CDHR3: variants seen among roughly 807,000 people sequenced by gnomAD.
CDHR3 encodes the protein cadherin related family member 3.
A neutral mutation model predicts 86.6 loss-of-function variants in CDHR3; 79 were observed. The observed-to-expected ratio is 0.91, with a 90% CI of 0.76 to 1.10. The LOEUF is 1.10. Among genes scored for constraint, CDHR3 ranks in the 50% least tolerant of loss-of-function variants. The pLI, the probability that CDHR3 is intolerant of heterozygous loss-of-function variation, is 0.00. For synonymous variants in CDHR3, 421 were observed against 402.4 expected, an observed-to-expected ratio of 1.05 and a Z score of -0.55; for missense variants, 1,081 against 1,077.6, an observed-to-expected ratio of 1.00 and a Z score of -0.04.
intron 3 of CDHR3, among the ~76,000 whole-genome samples, chr7:105,982,002 C>T (rs1470548031): frequency 2.6e-5 from 4 of 152,020 alleles, no homozygotes; most frequent in African/African-American, 9.7e-5. Context: ...AGCCACTCAT[C>T]CCATCTCACC....
Position 106,018,075 on chromosome 7 carries a change from G to A in CDHR3, c.1653+3G>A, listed in dbSNP as rs117797654. On this transcript the variant is annotated splice_donor_region_variant and intron_variant, in intron 12 of 18. Transcript: ENST00000317716. ...ACGAAGACACAAGCTCTGTCACTGT[G>A]AGTGGTGCTGCTTGGTATAGTGCCG... 0.025 allele frequency: 40,350 copies of A among 1,612,184 alleles called. 680 individuals are homozygous for A. The highest frequency in any genetic ancestry group is 0.031 in the Non-Finnish European group (36,583 of 1,178,738).
At position 106,001,493 on chromosome 7, in the gene CDHR3, C is replaced by A; in HGVS notation, c.745C>A (p.Leu249Met). 6.2e-7 allele frequency: 1 copy of A among 1,614,056 alleles called. No individual in the cohort carries two copies. The highest frequency in any genetic ancestry group is 8.5e-7 in the Non-Finnish European group (1 of 1,179,902). ...PTRVYTVLEE[L>M]SPGTIVANIT... Reference sequence around the variant, plus strand: ...ACGAGTGTACACAGTCCTGGAGGAACTGAGTCCAGGAACCATCGTGGCCAA... The same window carrying A: ...ACGAGTGTACACAGTCCTGGAGGAAATGAGTCCAGGAACCATCGTGGCCAA... Residue 249 changes from leucine (L) to methionine (M), a missense_variant, in exon 7 of 19, where the codon CTG (leucine) becomes ATG (methionine). Physicochemically the swap from Leu to Met is conservative, Grantham distance 15. Transcript: ENST00000317716.
At chr7:105,997,714 A>G (rs990296441) in intron 6 of CDHR3, among the ~76,000 whole-genome samples, 3 of 152,200 alleles carry the variant, frequency 2.0e-5, no homozygotes, top group Admixed American at 2.0e-4. Flanking sequence ...TTCAAAGGGG[A>G]AAATAATAAG....
chr7:105,996,600 G>T (rs1832275481), intron 6 of CDHR3, among the ~76,000 whole-genome samples: 1 of 152,174 alleles, frequency 6.6e-6, no homozygotes, highest in South Asian at 2.1e-4. Flanking sequence ...ATATGGTGGG[G>T]AGAAGGGGTG....
At chr7:106,031,745 G>C (rs2528881) in intron 18 of CDHR3, among the ~76,000 whole-genome samples, 61 of 151,868 alleles carry the variant, frequency 4.0e-4, no homozygotes, top group Non-Finnish European at 7.5e-4. Context: ...AGAGCAAAAG[G>C]CTCTTCCAGA....
At chr7:105,995,154 A>T (rs1831995639) in intron 5 of CDHR3, among the ~76,000 whole-genome samples, 1 of 152,148 alleles carries the variant, frequency 6.6e-6, no homozygotes, top group Non-Finnish European at 1.5e-5. Flanking sequence ...TCTTTCCATA[A>T]GGTCAGGTTT....
intron 8 of CDHR3, among the ~76,000 whole-genome samples, chr7:106,006,420 C>A (rs1224343478): frequency 6.6e-6 from 1 of 152,180 alleles, no homozygotes; most frequent in Non-Finnish European, 1.5e-5. Context: ...CGAGACAAGG[C>A]AAATCCCTTC....
rs1305220542 is a variant in CDHR3, at chr7:106,035,825, T to A, written c.*3128T>A. 2 of 152,188 alleles carry A rather than the reference T, an allele frequency of 1.3e-5. No homozygotes were observed. Among genetic ancestry groups the A allele is most frequent in the African/African-American group, 4.8e-5 (2 of 41,454 alleles). 9.4% of individuals were successfully genotyped at this position (152,188 alleles called of 1,614,324 possible). A position where few individuals can be genotyped will look rare whatever the true frequency, so the allele number is the denominator to read the frequency against. The stretch of plus-strand genomic sequence containing the variant: ...CAGAGGCTAAGGTGAAGTTACAACG[T>A]TGCAACGAAGACTCGGCTGGCAATC... On this transcript the variant is annotated 3_prime_UTR_variant, in exon 19 of 19. Coordinates refer to ENST00000317716, the MANE Select transcript of CDHR3 (RefSeq NM_152750.5).
In CDHR3 at chr7:105,978,046, T is replaced by C. The variant is rs114869897; in HGVS notation, c.250-2922T>C. Among the ~76,000 whole-genome samples, 517 of 152,242 alleles carry C rather than the reference T, an allele frequency of 3.4e-3. 3 individuals carry two copies. The highest frequency in any genetic ancestry group is 0.012 in the African/African-American group (494 of 41,550). ...TGTACTGTTGCTTGCACACTGAAGG[T>C]GGGAAAACTGAGGCATAGAGAGGTT... On this transcript the variant is annotated intron_variant, in intron 2 of 18. Transcript: ENST00000317716.
rs1585827107 is a variant in CDHR3, at chr7:106,022,542, C to T, written c.2076+94C>T. 10 of 1,518,416 alleles carry T rather than the reference C, an allele frequency of 6.6e-6. 1 individual carries two copies. In the South Asian group the frequency reaches 9.1e-5, roughly 14 times the overall value. 94.1% of individuals were successfully genotyped at this position (1,518,416 alleles called of 1,614,324 possible). Reference sequence around the variant, plus strand: ...CCGGCCTGGAGGTATGTGGGGTGGACTGAAGAGTTGAGGTATTAGGATGTT... The same window carrying T: ...CCGGCCTGGAGGTATGTGGGGTGGATTGAAGAGTTGAGGTATTAGGATGTT... On this transcript the variant is annotated intron_variant, in intron 14 of 18. Coordinates refer to ENST00000317716, the MANE Select transcript of CDHR3 (RefSeq NM_152750.5).
At chr7:106,007,363 G>T (rs910473926) in intron 8 of CDHR3, among the ~76,000 whole-genome samples, 1 of 152,180 alleles carries the variant, frequency 6.6e-6, no homozygotes, top group Non-Finnish European at 1.5e-5. Context: ...CTCAGAAAAT[G>T]GGATTTTCCT....
At position 106,012,932 on chromosome 7, in the gene CDHR3, C is replaced by A; in HGVS notation, c.1125C>A (p.Asp375Glu). The change falls in exon 9 of 19, where the codon GAC (aspartate) becomes GAA (glutamate). Residue 375 changes from aspartate to glutamate, a missense_variant. By Grantham distance (45) the Asp-to-Glu change is conservative. Transcript: ENST00000317716. ...TAAACAAGTTCTGCTTTGATGATGA[C>A]AGTGAGGCACCAAACAACAGATTCA... ...LDLNKFCFDD[D>E]SEAPNNRFNF... 1 of 1,613,768 alleles carries A rather than the reference C, an allele frequency of 6.2e-7. No individual in the cohort carries two copies. The highest frequency in any genetic ancestry group is 8.5e-7 in the Non-Finnish European group (1 of 1,179,820).
Position 106,020,603 on chromosome 7 carries a change from G to A in CDHR3, c.1825+59G>A, listed in dbSNP as rs1219441130. The A allele has an allele frequency of 2.6e-6, 4 of 1,560,248 alleles. No homozygotes were observed. The Admixed American group carries it at 7.3e-5, about 28-fold the overall frequency. Reference sequence around the variant, plus strand: ...TCTCTGAGGACCCTGAAGTTGTCTAGGGTAGGGGTCTGTGCTCACACACTG... The same window carrying A: ...TCTCTGAGGACCCTGAAGTTGTCTAAGGTAGGGGTCTGTGCTCACACACTG... On this transcript the variant is annotated intron_variant, in intron 13 of 18. Coordinates refer to ENST00000317716, the MANE Select transcript of CDHR3 (RefSeq NM_152750.5).
intron 8 of CDHR3, among the ~76,000 whole-genome samples, chr7:106,011,887 T>C (rs1834862068): frequency 6.6e-6 from 1 of 152,176 alleles, no homozygotes; most frequent in Non-Finnish European, 1.5e-5. Context: ...CCGAATTTGA[T>C]CATTAATAAA....
intron 8 of CDHR3, among the ~76,000 whole-genome samples, chr7:106,007,053 C>T (rs1260923414): frequency 6.6e-6 from 1 of 152,252 alleles, no homozygotes; most frequent in East Asian, 1.9e-4. Context: ...CACATGAAAG[C>T]TGGCAAGGCT....
In CDHR3 at chr7:106,032,868, A is replaced by G. The variant is rs577921823; in HGVS notation, c.*171A>G. Reference sequence around the variant, plus strand: ...TTTTAAACAAATAGAAAGGGGTTTGATCACATAGTTGCGTGTTCTGAAATG... The same window carrying G: ...TTTTAAACAAATAGAAAGGGGTTTGGTCACATAGTTGCGTGTTCTGAAATG... On this transcript the variant is annotated 3_prime_UTR_variant, in exon 19 of 19. Coordinates refer to ENST00000317716, the MANE Select transcript of CDHR3 (RefSeq NM_152750.5). 11 of 623,424 alleles carry G rather than the reference A, an allele frequency of 1.8e-5. No individual in the cohort carries two copies. Among genetic ancestry groups the G allele is most frequent in the East Asian group, 1.1e-4 (4 of 36,198 alleles). 38.6% of individuals were successfully genotyped at this position (623,424 alleles called of 1,614,324 possible).
rs1554507722 is a variant in CDHR3, at chr7:105,965,568, C to CCA, written c.46+2205_46+2206insAC. ...CCTTCAAGGCCCAACTCAAGCCCCA[C>CCA]CCCCCCCCATGGAGTCTTCCTGGAT... On this transcript the variant is annotated intron_variant, in intron 1 of 18. Transcript: ENST00000317716. 1.1e-4 allele frequency among the ~76,000 whole-genome samples: 3 copies of CCA among 26,810 alleles called. 1 individual carries two copies. The East Asian group carries it at 0.018, about 162-fold the overall frequency. 17.6% of individuals were successfully genotyped at this position (26,810 alleles called of 152,430 possible). A position where few individuals can be genotyped will look rare whatever the true frequency, so the allele number is the denominator to read the frequency against.
At chr7:105,998,077 A>G (rs775501530) in intron 6 of CDHR3, among the ~76,000 whole-genome samples, 1 of 152,160 alleles carries the variant, frequency 6.6e-6, no homozygotes, top group Admixed American at 6.5e-5. Flanking sequence ...CAGGCAGTCA[A>G]TGAGGGTCAA....
At chr7:105,963,404 T>A in intron 1 of CDHR3, 40 bp downstream of exon 1, 1 of 1,597,960 alleles carries the variant, frequency 6.3e-7, no homozygotes, top group East Asian at 2.2e-5. Flanking sequence ...GCTTGCCTAC[T>A]TGGTCTGCAT....
Sources: gnomAD v4.1 joint callset for allele counts (sites outside exome capture counted in the v4.1 genomes callset) on GRCh38, gnomAD v4.1.1 for gene constraint, MANE v1.5 for transcripts, NCBI Gene and HGNC (gene_info 2026-07-23, HGNC 2026-07-21) for gene names.